UNC5D: variants seen among roughly 807,000 people sequenced by gnomAD.
The protein encoded by UNC5D is netrin receptor UNC5D.
Under a neutral mutation model 105.4 loss-of-function variants are expected in UNC5D, and 39 were observed. The observed-to-expected ratio is 0.37, with a 90% CI of 0.29 to 0.48. UNC5D has a LOEUF of 0.48. Among genes scored for constraint, UNC5D ranks in the 20% least tolerant of loss-of-function variants. The probability of loss-of-function intolerance (pLI) is 0.98; values close to 1 mark genes in which losing one functional copy is unlikely to be tolerated. For synonymous variants in UNC5D, 452 were observed against 450.4 expected, an observed-to-expected ratio of 1.00 and a Z score of -0.04; for missense variants, 991 against 1,202.4, an observed-to-expected ratio of 0.82 and a Z score of 2.60.
At chr8:35,401,071 C>A (rs546386238) in intron 1 of UNC5D, among the ~76,000 whole-genome samples, 31 of 152,170 alleles carry the variant, frequency 2.0e-4, no homozygotes, top group Admixed American at 1.7e-3. Context: ...GCAATGACAG[C>A]CTAGAGTAAC....
chr8:35,403,030 T>C (rs1249141593), intron 1 of UNC5D, among the ~76,000 whole-genome samples: 1 of 152,226 alleles, frequency 6.6e-6, no homozygotes, highest in Admixed American at 6.5e-5. Flanking sequence ...AGATGGACAC[T>C]ATCAGGTTCT....
chr8:35,600,541 G>A (rs1306768529), intron 4 of UNC5D, among the ~76,000 whole-genome samples: 1 of 152,150 alleles, frequency 6.6e-6, no homozygotes, highest in Non-Finnish European at 1.5e-5. Context: ...GCATTTCTCT[G>A]ATGGCCAGTG....
chr8:35,608,970 A>C, intron 4 of UNC5D, among the ~76,000 whole-genome samples: 1 of 152,148 alleles, frequency 6.6e-6, no homozygotes, highest in African/African-American at 2.4e-5. Context: ...TTATTTCTTC[A>C]AGAAATATCC....
intron 1 of UNC5D, among the ~76,000 whole-genome samples, chr8:35,329,432 G>GA (rs1339716793): frequency 1.4e-5 from 2 of 147,098 alleles, no homozygotes; most frequent in Non-Finnish European, 3.0e-5. Context: ...TATATATGGG[G>GA]AAAAAAAAGG....
chr8:35,649,381 C>T (rs1823265472), intron 4 of UNC5D, among the ~76,000 whole-genome samples: 1 of 152,138 alleles, frequency 6.6e-6, no homozygotes, highest in Non-Finnish European at 1.5e-5. Flanking sequence ...CTCTGGCCAG[C>T]ACACTGGACT....
intron 8 of UNC5D, among the ~76,000 whole-genome samples, chr8:35,708,387 G>A (rs142284188): frequency 1.3e-5 from 2 of 152,136 alleles, no homozygotes; most frequent in South Asian, 2.1e-4. Flanking sequence ...GTACTAAACC[G>A]AATGTTTCAT....
At chr8:35,676,624 A>G (rs531819185) in intron 4 of UNC5D, among the ~76,000 whole-genome samples, 5 of 152,334 alleles carry the variant, frequency 3.3e-5, no homozygotes, top group Admixed American at 2.6e-4. Flanking sequence ...TGAACTCAGC[A>G]TACATGCAAA....
At chr8:35,632,390 C>A in intron 4 of UNC5D, among the ~76,000 whole-genome samples, 1 of 152,178 alleles carries the variant, frequency 6.6e-6, no homozygotes, top group East Asian at 1.9e-4. Context: ...AAATGGAAAT[C>A]TCTTATTTGT....
At chr8:35,567,376 T>C (rs1817425490) in intron 2 of UNC5D, among the ~76,000 whole-genome samples, 1 of 152,216 alleles carries the variant, frequency 6.6e-6, no homozygotes, top group Non-Finnish European at 1.5e-5. Context: ...CACATGTGGC[T>C]GGGCACGGTG....
At chr8:35,683,299 G>A (rs967895666) in intron 4 of UNC5D, among the ~76,000 whole-genome samples, 3 of 152,102 alleles carry the variant, frequency 2.0e-5, no homozygotes, top group Non-Finnish European at 4.4e-5. Flanking sequence ...TAGAAAATGG[G>A]TCAAAGTCAA....
intron 4 of UNC5D, among the ~76,000 whole-genome samples, chr8:35,667,052 A>G (rs1340614196): frequency 6.6e-6 from 1 of 152,186 alleles, no homozygotes; most frequent in Non-Finnish European, 1.5e-5. Context: ...TTACGGAACT[A>G]AAAAACAAAA....
intron 4 of UNC5D, among the ~76,000 whole-genome samples, chr8:35,599,073 G>T (rs1459739147): frequency 2.0e-5 from 3 of 149,026 alleles, no homozygotes; most frequent in Non-Finnish European, 4.4e-5. Flanking sequence ...AACCCGGGAG[G>T]TAGAGGTTGC....
chr8:35,350,625 A>G (rs1364889493), intron 1 of UNC5D, among the ~76,000 whole-genome samples: 1 of 152,036 alleles, frequency 6.6e-6, no homozygotes, highest in East Asian at 1.9e-4. Context: ...AAGTGATTTC[A>G]TACTGGTGGT....
intron 16 of UNC5D, among the ~76,000 whole-genome samples, chr8:35,789,543 A>G (rs1802931892): frequency 6.6e-6 from 1 of 152,036 alleles, no homozygotes; most frequent in African/African-American, 2.4e-5. Flanking sequence ...TAGAAGAAGG[A>G]CCAGTTTGGA....
intron 14 of UNC5D, among the ~76,000 whole-genome samples, chr8:35,764,856 A>G (rs1351145863): frequency 6.6e-6 from 1 of 152,192 alleles, no homozygotes; most frequent in Non-Finnish European, 1.5e-5. Flanking sequence ...GGGTTGCCCA[A>G]CTCACATCTG....
intron 1 of UNC5D, among the ~76,000 whole-genome samples, chr8:35,370,740 C>T (rs755611740): frequency 1.3e-5 from 2 of 152,126 alleles, no homozygotes; most frequent in African/African-American, 2.4e-5. Context: ...CCAAATGCCA[C>T]AACAATGGTT....
intron 1 of UNC5D, among the ~76,000 whole-genome samples, chr8:35,429,319 A>G (rs546849293): frequency 1.3e-5 from 2 of 152,116 alleles, no homozygotes; most frequent in Admixed American, 6.6e-5. Flanking sequence ...GAATTAATTA[A>G]TTAGATTTTC....
rs181906463 is a variant in UNC5D, at chr8:35,259,250, C to T, written c.103+23363C>T. Among the ~76,000 whole-genome samples, 398 of 152,100 alleles carry T rather than the reference C, an allele frequency of 2.6e-3. 2 individuals are homozygous for T. Among genetic ancestry groups the T allele is most frequent in the African/African-American group, 9.2e-3 (383 of 41,468 alleles). ...CTGAAAGGAATGAGAATTCACACACCAAGGAAGAATCTTCAGAGAAGGGAG... is the reference window on the plus strand; with the variant it reads ...CTGAAAGGAATGAGAATTCACACACTAAGGAAGAATCTTCAGAGAAGGGAG... On this transcript the variant is annotated intron_variant, in intron 1 of 16. Coordinates refer to ENST00000404895, the MANE Select transcript of UNC5D (RefSeq NM_080872.4).
At chr8:35,558,126 C>CAAAAAAA (rs34368244) in intron 2 of UNC5D, among the ~76,000 whole-genome samples, 14 of 84,208 alleles carry the variant, frequency 1.7e-4, no homozygotes, top group African/African-American at 5.5e-4. Context: ...AACTTCGTCT[C>CAAAAAAA]AAAAAAAAAA....
Sources: gnomAD v4.1 joint callset for allele counts (sites outside exome capture counted in the v4.1 genomes callset) on GRCh38, gnomAD v4.1.1 for gene constraint, MANE v1.5 for transcripts, NCBI Gene and HGNC (gene_info 2026-07-23, HGNC 2026-07-21) for gene names.